HIVEP1: variants seen among roughly 807,000 people sequenced by gnomAD.
HIVEP1 encodes zinc finger protein 40.
In HIVEP1, 36 loss-of-function variants were observed where a neutral mutation model predicts 180.0. The observed-to-expected ratio is 0.20, with a 90% CI of 0.15 to 0.26. The LOEUF (loss-of-function observed/expected upper bound fraction) is 0.26, where lower values mean the gene tolerates loss of function less well. Ranked by LOEUF, HIVEP1 falls within the 10% of genes least tolerant of loss-of-function variation. The pLI is 1.00. For missense variants in HIVEP1, 3,143 were observed against 3,268.7 expected (o/e 0.96, Z 0.94); for synonymous variants, 1,239 against 1,239.0 (o/e 1.00, Z 0.00).
chr6:12,196,471 C>A, the HIVEP1 span, among the ~76,000 whole-genome samples: 1 of 152,218 alleles, frequency 6.6e-6, no homozygotes, highest in Non-Finnish European at 1.5e-5. Context: ...CGTTGGCATG[C>A]ATTCAAGTTC....
chr6:12,167,006 G>A (rs1034790740), downstream of HIVEP1, among the ~76,000 whole-genome samples: 1 of 152,058 alleles, frequency 6.6e-6, no homozygotes, highest in Non-Finnish European at 1.5e-5. Flanking sequence ...TAAATCGAGG[G>A]CGTTCCAATA....
chr6:12,051,537 T>G (rs1298954970), intron 2 of HIVEP1, among the ~76,000 whole-genome samples: 1 of 152,084 alleles, frequency 6.6e-6, no homozygotes, highest in Non-Finnish European at 1.5e-5. Flanking sequence ...TGTGTATACA[T>G]AGTGTATGTA....
chr6:12,210,182 T>G, the HIVEP1 span, among the ~76,000 whole-genome samples: 1 of 152,010 alleles, frequency 6.6e-6, no homozygotes, highest in Admixed American at 6.5e-5. Context: ...CCTTACCCTG[T>G]GGGAGGCACA....
At chr6:12,020,890 C>CTTTCTTTCTTT (rs536583043) in intron 2 of HIVEP1, among the ~76,000 whole-genome samples, 2 of 105,778 alleles carry the variant, frequency 1.9e-5, no homozygotes, top group Non-Finnish European at 3.6e-5. Flanking sequence ...TTCTTTCTTT[C>CTTTCTTTCTTT]TTTTTTTTTT....
the HIVEP1 span, among the ~76,000 whole-genome samples, chr6:12,209,110 C>T: frequency 7.2e-5 from 11 of 152,330 alleles, 1 homozygote; most frequent in South Asian, 1.7e-3. Context: ...CTTGCCTTCT[C>T]GGCAGGTCTC....
chr6:12,153,846 G>A (rs1472691748), intron 7 of HIVEP1, among the ~76,000 whole-genome samples: 1 of 152,118 alleles, frequency 6.6e-6, no homozygotes, highest in Non-Finnish European at 1.5e-5. Flanking sequence ...TGTATCAGTA[G>A]AGTAAAAGAC....
chr6:12,073,483 C>T lies in HIVEP1; in HGVS notation c.41-15701C>T, dbSNP rs199581474. ...CCCAATTTCCAGCTGCCCCAGACCC[C>T]ATCTCTGTGTCCTCCAGCTCAGTAA... On this transcript the variant is annotated intron_variant, in intron 2 of 8. Coordinates refer to ENST00000379388, the MANE Select transcript of HIVEP1 (RefSeq NM_002114.4). Among the ~76,000 whole-genome samples the T allele has an allele frequency of 3.9e-5, 6 of 152,264 alleles. No individual in the cohort carries two copies. The East Asian group carries it at 1.2e-3, about 29-fold the overall frequency.
At chr6:12,009,027 CGCGGAGG>C (rs978720305), upstream of HIVEP1, among the ~76,000 whole-genome samples, 5 of 151,452 alleles carry the variant, frequency 3.3e-5, no homozygotes, top group Admixed American at 6.6e-5. Context: ...GCCCAGCGCG[CGCGGAGG>C]GCGGAGGGCG....
At chr6:12,039,645 C>G (rs1769536772) in intron 2 of HIVEP1, among the ~76,000 whole-genome samples, 1 of 152,158 alleles carries the variant, frequency 6.6e-6, no homozygotes, top group Non-Finnish European at 1.5e-5. Context: ...GGCTTATAAT[C>G]AAGTAGAAGC....
Position 12,122,273 on chromosome 6 carries a change from G to C in HIVEP1, c.2478G>C (p.Leu826=), listed in dbSNP as rs1304546061. ...PTEKSKQVFL[L]SVPSLDCLPI... ...AAAAATCAAAGCAAGTGTTTCTTCT[G>C]TCTGTACCTTCACTTGACTGTTTAC... Residue 826 remains leucine (L), a synonymous_variant, in exon 4 of 9, where the codon CTG becomes CTC. Transcript: ENST00000379388. 2 of 1,614,214 alleles carry C rather than the reference G, an allele frequency of 1.2e-6. No homozygotes were observed. The highest frequency in any genetic ancestry group is 2.2e-5 in the East Asian group (1 of 44,892).
intron 2 of HIVEP1, among the ~76,000 whole-genome samples, chr6:12,067,621 G>A (rs1411548904): frequency 6.6e-6 from 1 of 152,114 alleles, no homozygotes; most frequent in African/African-American, 2.4e-5. Flanking sequence ...CCAAGCTGGA[G>A]ATTATTGGGT....
intron 2 of HIVEP1, among the ~76,000 whole-genome samples, chr6:12,050,616 A>C (rs1024678524): frequency 6.6e-6 from 1 of 151,802 alleles, no homozygotes; most frequent in Non-Finnish European, 1.5e-5. Flanking sequence ...ATTAAACACC[A>C]TGGGTCCAGC....
At chr6:12,018,400 G>A (rs1303943197) in intron 2 of HIVEP1, among the ~76,000 whole-genome samples, 2 of 152,240 alleles carry the variant, frequency 1.3e-5, no homozygotes, top group African/African-American at 2.4e-5. Context: ...CGGAGGAGGC[G>A]CCGAGAGCGA....
At position 12,015,600 on chromosome 6, in the gene HIVEP1, A is replaced by G; in HGVS notation, c.-29A>G. 1 of 1,606,294 alleles carries G rather than the reference A, an allele frequency of 6.2e-7. No individual in the cohort carries two copies. The highest frequency in any genetic ancestry group is 8.5e-7 in the Non-Finnish European group (1 of 1,174,946). On this transcript the variant is annotated 5_prime_UTR_variant, in exon 2 of 9. Transcript: ENST00000379388. ...GCTTGCTTTATCTGCAGTTTTTAAG[A>G]AGAAAAAGAAGGCCCTGAGTCAAAG...
At position 12,077,418 on chromosome 6, in the gene HIVEP1, A is replaced by G. The variant is rs549098114; in HGVS notation, c.41-11766A>G. On this transcript the variant is annotated intron_variant, in intron 2 of 8. Transcript: ENST00000379388. ...GACTCCAGGTGGGTGCTCTAGTGCC[A>G]TGGGATCCTGGACAGGAGCTCTGAA... 4.7e-4 allele frequency among the ~76,000 whole-genome samples: 72 copies of G among 152,296 alleles called. No individual in the cohort carries two copies. In the South Asian group the frequency reaches 0.015, roughly 32 times the overall value.
chr6:12,211,497 ACACC>A, the HIVEP1 span, among the ~76,000 whole-genome samples: 1 of 29,524 alleles, frequency 3.4e-5, no homozygotes, highest in Non-Finnish European at 6.3e-5. Context: ...ACACACACAC[ACACC>A]CACACAACAT....
chr6:12,036,572 T>C (rs183822829), intron 2 of HIVEP1, among the ~76,000 whole-genome samples: 251 of 152,326 alleles, frequency 1.6e-3, no homozygotes, highest in Non-Finnish European at 2.7e-3. Context: ...TGTGGTCCTG[T>C]AGGCGGACAC....
the HIVEP1 span, among the ~76,000 whole-genome samples, chr6:12,210,843 A>C: frequency 6.6e-6 from 1 of 152,120 alleles, no homozygotes; most frequent in African/African-American, 2.4e-5. Flanking sequence ...TTCCCCTGGA[A>C]TAGATCTCAC....
At chr6:12,197,386 C>T in the HIVEP1 span, among the ~76,000 whole-genome samples, 11 of 151,706 alleles carry the variant, frequency 7.3e-5, no homozygotes, top group Admixed American at 2.0e-4. Context: ...GGCGAAACCC[C>T]GTCTCTACTA....
Sources: allele counts gnomAD v4.1 joint callset (sites outside exome capture counted in the v4.1 genomes callset), GRCh38; gene constraint gnomAD v4.1.1; transcripts MANE v1.5; gene names NCBI Gene and HGNC (gene_info 2026-07-23, HGNC 2026-07-21).